Variants in RAP1GAP2 observed in about 807,000 individuals in gnomAD.
The protein encoded by RAP1GAP2 is RAP1 GTPase activating protein 2.
In RAP1GAP2, 27 loss-of-function variants were observed where a neutral mutation model predicts 95.0. The ratio of observed to expected loss-of-function variants is 0.28; its 90% CI spans 0.21 to 0.39. RAP1GAP2 has a LOEUF of 0.39. Ranked by LOEUF, RAP1GAP2 falls within the 10% of genes least tolerant of loss-of-function variation. The pLI is 1.00. For missense variants in RAP1GAP2, 771 were observed against 970.0 expected, an observed-to-expected ratio of 0.79 and a Z score of 2.72; for synonymous variants, 373 against 380.9, an observed-to-expected ratio of 0.98 and a Z score of 0.24.
At chr17:2,934,717 G>A (rs965507505) in intron 3 of RAP1GAP2, among the ~76,000 whole-genome samples, 3 of 152,162 alleles carry the variant, frequency 2.0e-5, no homozygotes, top group Non-Finnish European at 4.4e-5. Context: ...ATAGCACACC[G>A]TAATTTGTAA....
chr17:2,778,883 T>C (rs950211188), intron 1 of RAP1GAP2, among the ~76,000 whole-genome samples: 3 of 152,212 alleles, frequency 2.0e-5, no homozygotes, highest in African/African-American at 7.2e-5. Context: ...TGAGGAGCCT[T>C]ACAGACAGAA....
chr17:2,951,723 C>T (rs1405857522), intron 3 of RAP1GAP2, among the ~76,000 whole-genome samples: 2 of 151,124 alleles, frequency 1.3e-5, no homozygotes, highest in Admixed American at 6.6e-5. Flanking sequence ...GTCTCAAAAA[C>T]AAACGAAAAT....
chr17:2,963,965 T>C lies in RAP1GAP2; in HGVS notation c.389T>C (p.Ile130Thr), dbSNP rs1157229211. The change falls in exon 7 of 25, where the codon ATC becomes ACC. Residue 130 changes from isoleucine (I) to threonine (T), a missense_variant. Coordinates refer to ENST00000254695, the MANE Select transcript of RAP1GAP2 (RefSeq NM_015085.5). This position sits in a 1 kb window ranked among gnomAD's most constrained non-coding sequence, Gnocchi z 4.8. Reference protein sequence around the residue: ...VGTPTSLGSSICEEEEEDNLS... With the variant: ...VGTPTSLGSSTCEEEEEDNLS... Reference sequence around the variant, plus strand: ...ACCCCAACATCGCTGGGGAGCAGCATCTGTGAGGAGGAGGAAGAGGACAAC... The same window carrying C: ...ACCCCAACATCGCTGGGGAGCAGCACCTGTGAGGAGGAGGAAGAGGACAAC... 1 of 1,612,984 alleles carries C rather than the reference T, an allele frequency of 6.2e-7. No homozygotes were observed. The highest frequency in any genetic ancestry group is 8.5e-7 in the Non-Finnish European group (1 of 1,179,708).
chr17:2,902,414 G>T lies in RAP1GAP2; in HGVS notation c.81-2870G>T, dbSNP rs984670189. On this transcript the variant is annotated intron_variant, in intron 2 of 24. Coordinates refer to ENST00000254695, the MANE Select transcript of RAP1GAP2 (RefSeq NM_015085.5). This position sits in a 1 kb window ranked among gnomAD's most constrained non-coding sequence, Gnocchi z 4.1. ...GTATTTTTAGTAGAGACGGGGTTTC[G>T]CCACGTTGAACAGGCTGGTTTGGAA... 2.0e-5 allele frequency among the ~76,000 whole-genome samples: 3 copies of T among 152,004 alleles called. No individual in the cohort carries two copies. Among genetic ancestry groups the T allele is most frequent in the Admixed American group, 2.0e-4 (3 of 15,256 alleles).
At chr17:2,836,531 CTG>C (rs2151559666) in intron 2 of RAP1GAP2, among the ~76,000 whole-genome samples, 1 of 152,276 alleles carries the variant, frequency 6.6e-6, no homozygotes, top group African/African-American at 2.4e-5. Context: ...CCTCAAAAGG[CTG>C]AGGTACGAGA....
At chr17:2,772,515 C>G (rs1011216379), upstream of RAP1GAP2, among the ~76,000 whole-genome samples, 52 of 151,926 alleles carry the variant, frequency 3.4e-4, no homozygotes, top group African/African-American at 1.1e-3. Context: ...CCAGGCTGGT[C>G]AACTCCTAGG....
intron 3 of RAP1GAP2, among the ~76,000 whole-genome samples, chr17:2,939,449 C>T (rs1353244786): frequency 6.6e-6 from 1 of 152,232 alleles, no homozygotes; most frequent in Non-Finnish European, 1.5e-5. Context: ...CGTGGGAATG[C>T]CTCGAAAGAT....
At chr17:2,962,441 A>AC in intron 4 of RAP1GAP2, 1 of 507,810 alleles carries the variant, frequency 2.0e-6, no homozygotes, top group Non-Finnish European at 3.4e-6. Flanking sequence ...TGGGATTTGA[A>AC]CCCCGGCGAT....
chr17:3,032,646 G>GA (rs1289667615), intron 24 of RAP1GAP2, among the ~76,000 whole-genome samples, 197 bp downstream of exon 24: 1 of 152,196 alleles, frequency 6.6e-6, no homozygotes, highest in Non-Finnish European at 1.5e-5. Flanking sequence ...GATGGGAAGG[G>GA]GGTTCCCAGT....
chr17:3,025,240 G>A (rs1371072406), intron 19 of RAP1GAP2, among the ~76,000 whole-genome samples: 2 of 152,176 alleles, frequency 1.3e-5, no homozygotes, highest in African/African-American at 4.8e-5. Context: ...AGCTGGCCAT[G>A]GTGGTATACG....
At chr17:2,995,223 C>T (rs2045910547) in intron 12 of RAP1GAP2, 114 bp from the exon 13 acceptor site, 2 of 1,336,780 alleles carry the variant, frequency 1.5e-6, no homozygotes, top group East Asian at 4.7e-5. Context: ...CCTCAGCTCT[C>T]CTGTCTCCTC....
At chr17:3,015,331 C>G (rs566103266) in intron 17 of RAP1GAP2, among the ~76,000 whole-genome samples, 1 of 152,210 alleles carries the variant, frequency 6.6e-6, no homozygotes, top group African/African-American at 2.4e-5. Flanking sequence ...AGGGGGCTGT[C>G]CGGTTTACAA....
In RAP1GAP2 at chr17:3,027,793, GGGAGA is replaced by G. The variant is rs1213188017; in HGVS notation, c.2107+728_2107+732del. Among the ~76,000 whole-genome samples, 1 of 150,078 alleles carries G rather than the reference GGGAGA, an allele frequency of 6.7e-6. No individual in the cohort carries two copies. The highest frequency in any genetic ancestry group is 2.4e-5 in the African/African-American group (1 of 40,852). ...AGCAGAGGGGAGGGATGGAGGGGAG[GGGAGA>G]GGAGGGGAGGGGAGCTGCGGCAGAA... On this transcript the variant is annotated intron_variant, in intron 22 of 24. Transcript: ENST00000254695. This position sits in a 1 kb window ranked among gnomAD's most constrained non-coding sequence, Gnocchi z 5.2.
chr17:2,813,758 G>A (rs1014834967), intron 2 of RAP1GAP2, among the ~76,000 whole-genome samples: 4 of 151,984 alleles, frequency 2.6e-5, no homozygotes, highest in East Asian at 1.9e-4. Context: ...GGAGTTCGTC[G>A]AGACCAGCCG....
chr17:2,837,395 T>C (rs1597405091), intron 2 of RAP1GAP2, among the ~76,000 whole-genome samples: 1 of 151,636 alleles, frequency 6.6e-6, no homozygotes, highest in Non-Finnish European at 1.5e-5. Context: ...GTCAGAGTGC[T>C]CCCCAGGGGA....
intron 2 of RAP1GAP2, among the ~76,000 whole-genome samples, chr17:2,834,201 A>G (rs1023536388): frequency 6.6e-6 from 1 of 152,172 alleles, no homozygotes; most frequent in African/African-American, 2.4e-5. Flanking sequence ...ACCCATCTTA[A>G]GAGGCTGGCT....
At chr17:3,026,548 C>G in intron 21 of RAP1GAP2, 84 bp downstream of exon 21, 1 of 1,126,126 alleles carries the variant, frequency 8.9e-7, no homozygotes, top group Non-Finnish European at 1.3e-6. Context: ...CACTGTGGAT[C>G]GAAGCCCATG....
At chr17:3,022,907 A>C (rs377213365) in intron 19 of RAP1GAP2, among the ~76,000 whole-genome samples, 1 of 152,214 alleles carries the variant, frequency 6.6e-6, no homozygotes, top group Non-Finnish European at 1.5e-5. Context: ...ATTTTTATGT[A>C]TGGTGAGAGA....
chr17:2,793,492 C>A (rs2068984198), upstream of RAP1GAP2, among the ~76,000 whole-genome samples: 2 of 152,206 alleles, frequency 1.3e-5, no homozygotes, highest in Admixed American at 6.5e-5. Context: ...ACACCTCCAA[C>A]CCCAGCACCT....
Sources: gnomAD v4.1 joint callset for allele counts (sites outside exome capture counted in the v4.1 genomes callset) on GRCh38, gnomAD v4.1.1 for gene constraint, Gnocchi (gnomAD v3.1) non-coding constraint, MANE v1.5 for transcripts, NCBI Gene and HGNC (gene_info 2026-07-23, HGNC 2026-07-21) for gene names.